The following CSMD3 variants were observed in gnomAD, a reference collection of about 807,000 sequenced individuals.
The protein encoded by CSMD3 is CUB and Sushi multiple domains 3, also known as CUB and sushi domain-containing protein 3.
A neutral mutation model predicts 435.2 loss-of-function variants in CSMD3; 177 were observed. The observed-to-expected ratio is 0.41, with a 90% confidence interval of 0.36 to 0.46. CSMD3 has a LOEUF of 0.46. CSMD3 is among the 20% of genes least tolerant of loss of function. The pLI, the probability that CSMD3 is intolerant of heterozygous loss-of-function variation, is 0.34. For synonymous variants in CSMD3, 1,656 were observed against 1,520.5 expected, an observed-to-expected ratio of 1.09 and a Z score of -2.07; for missense variants, 4,265 against 4,504.6, an observed-to-expected ratio of 0.95 and a Z score of 1.52.
intron 10 of CSMD3, among the ~76,000 whole-genome samples, chr8:112,886,972 C>A (rs1250757899): frequency 6.6e-6 from 1 of 151,296 alleles, no homozygotes; most frequent in Non-Finnish European, 1.5e-5. Flanking sequence ...ATTTGGAGGG[C>A]TGACTGTATG....
chr8:112,288,510 A>G (rs1171882496), intron 57 of CSMD3, among the ~76,000 whole-genome samples: 1 of 152,090 alleles, frequency 6.6e-6, no homozygotes, highest in African/African-American at 2.4e-5. Flanking sequence ...TTTTAACTCT[A>G]AAGTGAAAAT....
At chr8:112,681,049 T>C (rs1368459543) in intron 16 of CSMD3, among the ~76,000 whole-genome samples, 2 of 150,954 alleles carry the variant, frequency 1.3e-5, no homozygotes, top group Non-Finnish European at 3.0e-5. Flanking sequence ...CTTTTTTTTT[T>C]TTTTAAGACA....
intron 1 of CSMD3, among the ~76,000 whole-genome samples, chr8:113,360,612 C>T: frequency 7.0e-6 from 1 of 142,818 alleles, no homozygotes; most frequent in Non-Finnish European, 1.5e-5. Context: ...CTCGCTCTGT[C>T]GCCCAGGCTG....
chr8:113,417,911 A>G (rs889796900), intron 1 of CSMD3, among the ~76,000 whole-genome samples: 6 of 152,128 alleles, frequency 3.9e-5, no homozygotes, highest in Non-Finnish European at 7.4e-5. Context: ...AGGATAAAAA[A>G]GAGATAAAAT....
intron 15 of CSMD3, among the ~76,000 whole-genome samples, chr8:112,684,324 C>T (rs971566474): frequency 1.3e-5 from 2 of 152,028 alleles, no homozygotes; most frequent in African/African-American, 4.8e-5. Context: ...TTACAATTTA[C>T]AGCGACACTA....
intron 32 of CSMD3, among the ~76,000 whole-genome samples, chr8:112,459,330 A>G (rs1187047448): frequency 7.3e-6 from 1 of 137,288 alleles, no homozygotes; most frequent in African/African-American, 2.9e-5. Context: ...ATTTGTGCTC[A>G]TAATTGTGTG....
intron 2 of CSMD3, among the ~76,000 whole-genome samples, chr8:113,281,928 T>C (rs1402113823): frequency 6.6e-6 from 1 of 151,972 alleles, no homozygotes; most frequent in Non-Finnish European, 1.5e-5. Flanking sequence ...CTTTTCTTCA[T>C]ATATGATGCT....
chr8:112,750,639 T>C (rs184960306), intron 13 of CSMD3, among the ~76,000 whole-genome samples: 10 of 152,114 alleles, frequency 6.6e-5, no homozygotes, highest in East Asian at 3.9e-4. Context: ...GGCATGTTCA[T>C]AGAACAGTAA....
At chr8:112,969,218 G>T (rs1220768355) in intron 7 of CSMD3, among the ~76,000 whole-genome samples, 2 of 151,754 alleles carry the variant, frequency 1.3e-5, no homozygotes, top group Non-Finnish European at 2.9e-5. Flanking sequence ...TATTTTTGTT[G>T]AGCCTTATAA....
chr8:112,771,749 A>G lies in CSMD3; in HGVS notation c.1972+28413T>C, dbSNP rs138689299. Among the ~76,000 whole-genome samples, 27 of 152,190 alleles carry G rather than the reference A, an allele frequency of 1.8e-4. 1 individual carries two copies. Among genetic ancestry groups the G allele is most frequent in the Admixed American group, 1.5e-3 (23 of 15,266 alleles). On this transcript the variant is annotated intron_variant, in intron 13 of 70. Coordinates refer to ENST00000297405, the MANE Select transcript of CSMD3 (RefSeq NM_198123.2). ...AACAATGTGTCTTATCCATACCAAC[A>G]CAATCTATAAAATAAATTGTAGAGA... is the stretch of plus-strand genomic sequence containing the variant.
At chr8:112,996,586 T>C (rs1010617019) in intron 6 of CSMD3, among the ~76,000 whole-genome samples, 1 of 151,556 alleles carries the variant, frequency 6.6e-6, no homozygotes, top group Non-Finnish European at 1.5e-5. Context: ...ATTAATTAAG[T>C]AGTTTCTTTG....
At chr8:112,298,674 A>G (rs1308277566) in intron 53 of CSMD3, among the ~76,000 whole-genome samples, 1 of 152,186 alleles carries the variant, frequency 6.6e-6, no homozygotes, top group Non-Finnish European at 1.5e-5. Flanking sequence ...TTCACAAAGG[A>G]AAATTTACAA....
chr8:112,557,856 C>T (rs1828261418), intron 24 of CSMD3, among the ~76,000 whole-genome samples: 1 of 151,790 alleles, frequency 6.6e-6, no homozygotes, highest in South Asian at 2.1e-4. Context: ...TTATCAAACT[C>T]AAGGAGGAAG....
chr8:112,994,141 T>C (rs935893652), intron 6 of CSMD3, among the ~76,000 whole-genome samples: 1 of 151,794 alleles, frequency 6.6e-6, no homozygotes, highest in African/African-American at 2.4e-5. Context: ...AATAGACCAA[T>C]CAATGCTCAT....
chr8:113,303,885 T>C (rs1386805523), intron 2 of CSMD3, among the ~76,000 whole-genome samples: 1 of 137,630 alleles, frequency 7.3e-6, no homozygotes, highest in African/African-American at 2.7e-5. Flanking sequence ...CCAAAAGCAA[T>C]GGCAACAAAA....
chr8:112,400,708 T>C, intron 35 of CSMD3, among the ~76,000 whole-genome samples: 1 of 152,162 alleles, frequency 6.6e-6, no homozygotes, highest in Non-Finnish European at 1.5e-5. Flanking sequence ...TAGGCTTTAG[T>C]TCCTGGTGTT....
At chr8:113,152,068 G>A (rs1188580837) in intron 4 of CSMD3, among the ~76,000 whole-genome samples, 1 of 151,954 alleles carries the variant, frequency 6.6e-6, no homozygotes, top group Non-Finnish European at 1.5e-5. Flanking sequence ...CACTATATGT[G>A]AAACTACATA....
intron 3 of CSMD3, among the ~76,000 whole-genome samples, chr8:113,208,601 G>C (rs1440288356): frequency 6.6e-6 from 1 of 151,970 alleles, no homozygotes; most frequent in East Asian, 1.9e-4. Context: ...ATTTCGCACA[G>C]ATAACTTTGA....
intron 13 of CSMD3, among the ~76,000 whole-genome samples, chr8:112,764,987 A>G (rs2077939508): frequency 6.6e-6 from 1 of 151,620 alleles, no homozygotes; most frequent in African/African-American, 2.4e-5. Context: ...CATTCAAGAA[A>G]CAAAATATTT....
Sources: allele counts gnomAD v4.1 joint callset (sites outside exome capture counted in the v4.1 genomes callset), GRCh38; gene constraint gnomAD v4.1.1; transcripts MANE v1.5; gene names NCBI Gene and HGNC (gene_info 2026-07-23, HGNC 2026-07-21).